Variants in RGS6 observed in about 807,000 individuals in gnomAD.
The protein encoded by RGS6 is regulator of G-protein signaling 6.
Under a neutral mutation model 78.5 loss-of-function variants are expected in RGS6, and 30 were observed. That is an observed-to-expected ratio of 0.38 (90% CI 0.29 to 0.52). RGS6 has a LOEUF of 0.52. Ranked by LOEUF, RGS6 falls within the 20% of genes least tolerant of loss-of-function variation. The pLI is 0.85. For synonymous variants in RGS6, 206 were observed against 206.0 expected, an observed-to-expected ratio of 1.00 and a Z score of 0.00; for missense variants, 495 against 609.7, an observed-to-expected ratio of 0.81 and a Z score of 1.98.
At chr14:72,260,920 A>T in intron 2 of RGS6, among the ~76,000 whole-genome samples, 1 of 152,250 alleles carries the variant, frequency 6.6e-6, no homozygotes, top group African/African-American at 2.4e-5. Flanking sequence ...TCGTGGGGCC[A>T]AGCAACATCA....
intron 3 of RGS6, among the ~76,000 whole-genome samples, chr14:72,445,300 C>T (rs1312811332): frequency 6.6e-6 from 1 of 152,214 alleles, no homozygotes; most frequent in Non-Finnish European, 1.5e-5. Flanking sequence ...AGCACTTCTC[C>T]TGCCTTAGTC....
chr14:72,494,702 A>G (rs1197359734), intron 12 of RGS6, among the ~76,000 whole-genome samples: 1 of 152,202 alleles, frequency 6.6e-6, no homozygotes, highest in Non-Finnish European at 1.5e-5. Flanking sequence ...TGATATTTAA[A>G]AGTCTTTATC....
In RGS6 at chr14:72,255,220, G is replaced by A. The variant is rs149873100; in HGVS notation, c.85-96875G>A. On this transcript the variant is annotated intron_variant, in intron 2 of 17. Transcript: ENST00000553525. Reference sequence around the variant, plus strand: ...TGTTCTTGGGGCTCTGGGGCATAGAGGCTGTCCCCGGTTGTCTCATACCTG... The same window carrying A: ...TGTTCTTGGGGCTCTGGGGCATAGAAGCTGTCCCCGGTTGTCTCATACCTG... 1.1e-4 allele frequency among the ~76,000 whole-genome samples: 16 copies of A among 152,274 alleles called. No individual in the cohort carries two copies. The East Asian group carries it at 3.1e-3, about 29-fold the overall frequency.
the RGS6 span, among the ~76,000 whole-genome samples, chr14:71,909,481 C>T: frequency 1.4e-5 from 2 of 147,192 alleles, no homozygotes. Context: ...TACACCTGCA[C>T]AGAGAGAGAG....
Position 72,229,516 on chromosome 14 carries a change from T to C in RGS6, c.85-122579T>C, listed in dbSNP as rs1242388522. Among the ~76,000 whole-genome samples, 4 of 152,206 alleles carry C rather than the reference T, an allele frequency of 2.6e-5. 1 individual carries two copies. Among genetic ancestry groups the C allele is most frequent in the Admixed American group, 1.3e-4 (2 of 15,282 alleles). Reference sequence around the variant, plus strand: ...GGACCCCAGCTTCAGCAGTGCTCTTTACCATGTTGTTAAATATATGGCAGG... The same window carrying C: ...GGACCCCAGCTTCAGCAGTGCTCTTCACCATGTTGTTAAATATATGGCAGG... On this transcript the variant is annotated intron_variant, in intron 2 of 17. Transcript: ENST00000553525.
chr14:72,410,603 T>C (rs1231852990), intron 3 of RGS6, among the ~76,000 whole-genome samples: 1 of 152,230 alleles, frequency 6.6e-6, no homozygotes, highest in Non-Finnish European at 1.5e-5. Context: ...TTGGCTTTTG[T>C]TGCCATTGCT....
chr14:71,871,669 A>ACCC, the RGS6 span, among the ~76,000 whole-genome samples: 2 of 151,828 alleles, frequency 1.3e-5, no homozygotes, highest in Non-Finnish European at 2.9e-5. Context: ...GTCCTCCCTG[A>ACCC]CCCCTTTGTC....
At chr14:72,039,813 A>ATTT (rs3053082) in intron 2 of RGS6, among the ~76,000 whole-genome samples, 11,394 of 68,814 alleles carry the variant, frequency 0.17, 1,465 homozygotes, top group East Asian at 0.27. Flanking sequence ...TGTTTCATTG[A>ATTT]TTTTTTTTTT....
chr14:71,953,969 G>GTTTTTTTTTTTTT (rs3053026), intron 1 of RGS6, among the ~76,000 whole-genome samples: 8 of 76,076 alleles, frequency 1.1e-4, no homozygotes, highest in Admixed American at 1.8e-4. Context: ...CTAAGTGGGC[G>GTTTTTTTTTTTTT]TTTTTTTTTT....
At chr14:71,936,030 A>ATATATATATACATATATATATATG (rs1555390438) in intron 1 of RGS6, among the ~76,000 whole-genome samples, 2 of 133,222 alleles carry the variant, frequency 1.5e-5, no homozygotes, top group African/African-American at 5.4e-5. Flanking sequence ...ATATATATAT[A>ATATATATATACATATATATATATG]TATATATATA....
chr14:72,020,784 A>G (rs1464890567), intron 2 of RGS6, among the ~76,000 whole-genome samples: 2 of 152,208 alleles, frequency 1.3e-5, no homozygotes, highest in Admixed American at 6.5e-5. Flanking sequence ...CCACACAAAG[A>G]CCATCCCTCT....
intron 1 of RGS6, among the ~76,000 whole-genome samples, chr14:71,946,912 G>A (rs745988966): frequency 2.5e-4 from 38 of 152,118 alleles, no homozygotes; most frequent in Non-Finnish European, 5.1e-4. Flanking sequence ...AAGCAAAACT[G>A]TTCAATAAGT....
intron 2 of RGS6, among the ~76,000 whole-genome samples, chr14:72,041,098 A>T (rs2092359528): frequency 6.6e-6 from 1 of 151,730 alleles, no homozygotes; most frequent in South Asian, 2.1e-4. Flanking sequence ...GCTTTTGGAG[A>T]TTTATTTTAT....
intron 3 of RGS6, among the ~76,000 whole-genome samples, chr14:72,369,698 TA>T (rs2152829079): frequency 6.6e-6 from 1 of 152,354 alleles, no homozygotes; most frequent in Non-Finnish European, 1.5e-5. Flanking sequence ...GTAGTAGAAT[TA>T]TTTAATAAGC....
At chr14:72,416,328 A>C (rs2093807503) in intron 3 of RGS6, among the ~76,000 whole-genome samples, 1 of 152,096 alleles carries the variant, frequency 6.6e-6, no homozygotes, top group Non-Finnish European at 1.5e-5. Context: ...GCCCTGACAA[A>C]AGTTAATAAA....
At chr14:72,472,844 T>C (rs368333159) in intron 8 of RGS6, 28 bp from the exon 9 acceptor site, 3 of 1,528,092 alleles carry the variant, frequency 2.0e-6, no homozygotes, top group Non-Finnish European at 2.7e-6. Flanking sequence ...CAGAGCTTCT[T>C]ATTTCCTTCC....
At chr14:72,064,958 A>T (rs1245432459) in intron 2 of RGS6, among the ~76,000 whole-genome samples, 1 of 152,238 alleles carries the variant, frequency 6.6e-6, no homozygotes, top group East Asian at 1.9e-4. Context: ...GAATCTTGTC[A>T]TTATATTTTG....
At chr14:71,877,629 C>T in the RGS6 span, among the ~76,000 whole-genome samples, 1 of 152,300 alleles carries the variant, frequency 6.6e-6, no homozygotes, top group Non-Finnish European at 1.5e-5. Flanking sequence ...GAACATCCTC[C>T]TTTAGCTCAG....
At chr14:72,183,737 C>T (rs769120354) in intron 2 of RGS6, among the ~76,000 whole-genome samples, 3 of 152,008 alleles carry the variant, frequency 2.0e-5, no homozygotes, top group Non-Finnish European at 2.9e-5. Context: ...AAATAAATAC[C>T]AAAGCAAGCA....
Sources: allele counts gnomAD v4.1 joint callset (sites outside exome capture counted in the v4.1 genomes callset), GRCh38; gene constraint gnomAD v4.1.1; transcripts MANE v1.5; gene names NCBI Gene and HGNC (gene_info 2026-07-23, HGNC 2026-07-21).